The following DLC1 variants were observed in gnomAD, a reference collection of about 807,000 sequenced individuals.
DLC1 encodes DLC1 Rho GTPase activating protein.
Under a neutral mutation model 140.3 loss-of-function variants are expected in DLC1, and 54 were observed. The ratio of observed to expected loss-of-function variants is 0.38; its 90% CI spans 0.31 to 0.48. DLC1 has a LOEUF of 0.48. Among genes scored for constraint, DLC1 ranks in the 20% least tolerant of loss-of-function variants. The pLI is 0.96. For synonymous variants in DLC1, 986 were observed against 728.1 expected (o/e 1.35, Z -5.70); for missense variants, 2,536 against 1,907.0 (o/e 1.33, Z -6.14).
At chr8:13,187,111 A>G (rs1286618399) in intron 5 of DLC1, among the ~76,000 whole-genome samples, 11 of 151,614 alleles carry the variant, frequency 7.3e-5, no homozygotes, top group Admixed American at 4.0e-4. Context: ...TTCAAACGTC[A>G]CTCACATTCC....
Position 13,091,357 on chromosome 8 carries a change from C to G in DLC1, c.3816G>C (p.Gly1272=). The part of the protein sequence containing the change: ...DLNENLAATQ[G]LAHMIAECKK... ...TGCACTCGGCGATCATATGGGCCAGCCCTTGAGTGGCAGCTAGGTTTTCAT... is the reference window on the plus strand; with the variant it reads ...TGCACTCGGCGATCATATGGGCCAGGCCTTGAGTGGCAGCTAGGTTTTCAT... The change falls in exon 14 of 18, where the codon GGG becomes GGC. Residue 1272 remains glycine (G), a synonymous_variant. Transcript: ENST00000276297. 6.2e-7 allele frequency: 1 copy of G among 1,614,146 alleles called. No homozygotes were observed.
chr8:13,541,674 C>T (rs113716939), intron 1 of DLC1, among the ~76,000 whole-genome samples: 2 of 152,088 alleles, frequency 1.3e-5, no homozygotes, highest in Admixed American at 6.5e-5. Flanking sequence ...CTCAGCCTCC[C>T]GAGTAGCTGG....
At position 13,489,865 on chromosome 8, in the gene DLC1, T is replaced by C. The variant is rs536954657; in HGVS notation, c.1023+9184A>G. Among the ~76,000 whole-genome samples the C allele has an allele frequency of 3.7e-4, 56 of 152,338 alleles. 1 individual carries two copies. The South Asian group carries it at 0.011, about 30-fold the overall frequency. ...ATTTTCAGATATAATAATTCTGCAC[T>C]CCAATTATTTGGCTGTCAGATCCTC... On this transcript the variant is annotated intron_variant, in intron 2 of 17. Coordinates refer to ENST00000276297, the MANE Select transcript of DLC1 (RefSeq NM_182643.3).
intron 2 of DLC1, among the ~76,000 whole-genome samples, chr8:13,458,256 A>G (rs1799502307): frequency 6.6e-6 from 1 of 152,200 alleles, no homozygotes; most frequent in Admixed American, 6.5e-5. Context: ...TGTAACTTTG[A>G]TGGAGCAATT....
intron 3 of DLC1, among the ~76,000 whole-genome samples, chr8:13,395,241 C>T (rs921089407): frequency 6.6e-6 from 1 of 151,886 alleles, no homozygotes; most frequent in African/African-American, 2.4e-5. Context: ...CTGCCTCAAC[C>T]TCCTTGAGTA....
intron 4 of DLC1, among the ~76,000 whole-genome samples, chr8:13,349,845 A>T (rs1214451128): frequency 4.6e-5 from 7 of 152,326 alleles, no homozygotes; most frequent in South Asian, 2.1e-4. Context: ...GAGGAAAAAG[A>T]AAGTGAGTTG....
chr8:13,572,493 T>C (rs1804697213), intron 1 of DLC1, among the ~76,000 whole-genome samples: 1 of 152,194 alleles, frequency 6.6e-6, no homozygotes, highest in Non-Finnish European at 1.5e-5. Flanking sequence ...TTTCATAAAG[T>C]TCAGTTTTTC....
intron 2 of DLC1, among the ~76,000 whole-genome samples, chr8:13,486,467 G>A (rs1800971878): frequency 6.6e-6 from 1 of 151,836 alleles, no homozygotes. Context: ...AATTCTTTCT[G>A]ATTACTTTTA....
At chr8:13,104,130 T>C (rs893607830) in intron 7 of DLC1, among the ~76,000 whole-genome samples, 1 of 152,074 alleles carries the variant, frequency 6.6e-6, no homozygotes, top group Non-Finnish European at 1.5e-5. Flanking sequence ...TAGGACAATA[T>C]AATGTGTGCT....
At chr8:13,237,275 GTA>G (rs200510618) in intron 5 of DLC1, among the ~76,000 whole-genome samples, 6,494 of 141,758 alleles carry the variant, frequency 0.046, 304 homozygotes, top group African/African-American at 0.12. Context: ...GTATATAGGT[GTA>G]TATATATATA....
At chr8:13,296,542 A>C (rs867027187) in intron 5 of DLC1, among the ~76,000 whole-genome samples, 9 of 152,182 alleles carry the variant, frequency 5.9e-5, no homozygotes, top group African/African-American at 2.2e-4. Flanking sequence ...ATAAAAGTCC[A>C]TCAAATATTA....
chr8:13,139,667 TAA>T (rs561838965), intron 5 of DLC1, among the ~76,000 whole-genome samples: 200 of 152,370 alleles, frequency 1.3e-3, no homozygotes, highest in African/African-American at 4.8e-3. Context: ...CTATTTTATT[TAA>T]AGTCATCAGC....
At chr8:13,531,366 A>C (rs1803091542) in intron 1 of DLC1, among the ~76,000 whole-genome samples, 1 of 152,146 alleles carries the variant, frequency 6.6e-6, no homozygotes, top group Non-Finnish European at 1.5e-5. Flanking sequence ...CGGGCGGATC[A>C]CCTGAAGTCA....
chr8:13,392,358 C>T (rs562800378), intron 4 of DLC1, among the ~76,000 whole-genome samples: 70 of 152,138 alleles, frequency 4.6e-4, no homozygotes, highest in Non-Finnish European at 8.8e-4. Context: ...AATATTTATT[C>T]CATAAAAATG....
chr8:13,451,468 A>G (rs913938480), intron 2 of DLC1, among the ~76,000 whole-genome samples: 1 of 152,102 alleles, frequency 6.6e-6, no homozygotes, highest in Admixed American at 6.6e-5. Flanking sequence ...GGTCTTATTC[A>G]TTCTATTTTT....
chr8:13,357,350 A>G (rs1379800651), intron 4 of DLC1, among the ~76,000 whole-genome samples: 11 of 152,248 alleles, frequency 7.2e-5, no homozygotes. Context: ...CAGATGCACC[A>G]TGTCAGAGAA....
At chr8:13,562,637 C>A (rs1460172711) in intron 1 of DLC1, among the ~76,000 whole-genome samples, 1 of 152,134 alleles carries the variant, frequency 6.6e-6, no homozygotes, top group African/African-American at 2.4e-5. Context: ...CATATGTGTA[C>A]TGCCTGTGGA....
At chr8:13,209,825 G>C (rs1827851998) in intron 5 of DLC1, among the ~76,000 whole-genome samples, 1 of 152,146 alleles carries the variant, frequency 6.6e-6, no homozygotes, top group Non-Finnish European at 1.5e-5. Context: ...CTTCTCAGAA[G>C]CAGATGCTGG....
At chr8:13,184,528 C>T (rs1267716490) in intron 5 of DLC1, among the ~76,000 whole-genome samples, 2 of 152,122 alleles carry the variant, frequency 1.3e-5, no homozygotes, top group African/African-American at 2.4e-5. Flanking sequence ...CAAAGAACAT[C>T]TTTATTTCTG....
Sources: gnomAD v4.1 joint callset for allele counts (sites outside exome capture counted in the v4.1 genomes callset) on GRCh38, gnomAD v4.1.1 for gene constraint, MANE v1.5 for transcripts, NCBI Gene and HGNC (gene_info 2026-07-23, HGNC 2026-07-21) for gene names.